The following CCDC33 variants were observed in gnomAD, a reference collection of about 807,000 sequenced individuals.
The protein encoded by CCDC33 is coiled-coil domain containing 33.
Under a neutral mutation model 91.9 loss-of-function variants are expected in CCDC33, and 94 were observed. That is an observed-to-expected ratio of 1.02 (90% CI 0.87 to 1.21). The LOEUF (loss-of-function observed/expected upper bound fraction) is 1.21, where lower values mean the gene tolerates loss of function less well. Ranked by LOEUF, CCDC33 falls within the 50% of genes most tolerant of loss-of-function variation. CCDC33 has a pLI of 0.00. For missense variants in CCDC33, 940 were observed against 935.5 expected, an observed-to-expected ratio of 1.00 and a Z score of -0.06; for synonymous variants, 396 against 374.5, an observed-to-expected ratio of 1.06 and a Z score of -0.66.
At chr15:74,333,323 G>T (rs1458129812) in intron 16 of CCDC33, 3 of 1,577,864 alleles carry the variant, frequency 1.9e-6, no homozygotes, top group Non-Finnish European at 2.6e-6. Context: ...GCCCGCACAG[G>T]TGGGTGGCCC....
At chr15:74,217,637 G>A (rs1595877329) in intron 1 of CCDC33, 17 of 1,164,316 alleles carry the variant, frequency 1.5e-5, no homozygotes, top group Non-Finnish European at 1.8e-5. Context: ...TCCTGCCTGA[G>A]TCCCTTTCTG....
intron 11 of CCDC33, chr15:74,302,523 G>C (rs2059815357): frequency 6.6e-6 from 1 of 152,324 alleles, no homozygotes; most frequent in Non-Finnish European, 1.5e-5. Flanking sequence ...GATGGGAGAG[G>C]TGAGGCCCCC....
chr15:74,257,673 GC>G (rs1398264044), intron 2 of CCDC33, among the ~76,000 whole-genome samples: 1 of 152,208 alleles, frequency 6.6e-6, no homozygotes, highest in Non-Finnish European at 1.5e-5. Context: ...CCCCCCTCAA[GC>G]CTCACCTTCT....
intron 11 of CCDC33, among the ~76,000 whole-genome samples, chr15:74,315,016 T>C (rs2060064149): frequency 2.0e-5 from 3 of 152,032 alleles, no homozygotes; most frequent in South Asian, 4.1e-4. Context: ...TCTGATGCGG[T>C]GGTTTTATTG....
Position 74,236,509 on chromosome 15 carries a change from GCCACCC to G in CCDC33, c.-210_-205del. The stretch of plus-strand genomic sequence containing the variant: ...GAGATCCAGGACCTGCTCCCACCTG[GCCACCC>G]TCCCCCTCCCCCCACATCCAGGCCC... On this transcript the variant is annotated 5_prime_UTR_variant, in exon 1 of 19. Coordinates refer to ENST00000398814, the MANE Select transcript of CCDC33 (RefSeq NM_025055.5). The G allele has an allele frequency of 2.6e-6, 1 of 382,792 alleles. No individual in the cohort carries two copies. Among genetic ancestry groups the G allele is most frequent in the African/African-American group, 2.1e-5 (1 of 48,236 alleles). 23.7% of individuals were successfully genotyped at this position (382,792 alleles called of 1,614,324 possible). A position where few individuals can be genotyped will look rare whatever the true frequency, so the allele number is the denominator to read the frequency against.
intron 11 of CCDC33, among the ~76,000 whole-genome samples, chr15:74,324,481 C>T (rs183184522): frequency 1.1e-3 from 168 of 152,102 alleles, no homozygotes; most frequent in African/African-American, 3.5e-3. Flanking sequence ...AAGACTCAAG[C>T]GGAAGGTGGT....
At chr15:74,287,079 G>T (rs766972805) in intron 10 of CCDC33, among the ~76,000 whole-genome samples, 6 of 152,206 alleles carry the variant, frequency 3.9e-5, no homozygotes, top group Non-Finnish European at 8.8e-5. Flanking sequence ...GGCTTTTGAA[G>T]AATTTTTATG....
intron 1 of CCDC33, among the ~76,000 whole-genome samples, chr15:74,241,854 AG>A (rs1373748590): frequency 1.3e-5 from 2 of 152,230 alleles, no homozygotes; most frequent in African/African-American, 4.8e-5. Flanking sequence ...GGGAAGAATC[AG>A]GAAGGACTCC....
intron 4 of CCDC33, 67 bp downstream of exon 4, chr15:74,266,854 T>G (rs1276354088): frequency 8.2e-7 from 1 of 1,218,242 alleles, no homozygotes; most frequent in African/African-American, 1.5e-5. Flanking sequence ...CCCCAGCTAT[T>G]CCCTCGGAGC....
chr15:74,294,055 G>A (rs932365755), intron 10 of CCDC33, among the ~76,000 whole-genome samples: 16 of 152,294 alleles, frequency 1.1e-4, no homozygotes, highest in Non-Finnish European at 1.8e-4. Flanking sequence ...AGTATGCATG[G>A]ACTTTCCTAT....
At chr15:74,225,315 A>G (rs2074757799) in intron 2 of CCDC33, among the ~76,000 whole-genome samples, 1 of 152,012 alleles carries the variant, frequency 6.6e-6, no homozygotes. Context: ...ACAGTGAAGG[A>G]AGCGGGCATA....
At chr15:74,232,309 C>T (rs548647354), upstream of CCDC33, among the ~76,000 whole-genome samples, 8 of 152,238 alleles carry the variant, frequency 5.3e-5, no homozygotes, top group Non-Finnish European at 1.2e-4. Context: ...AATAAAGGGA[C>T]TATTTACAAT....
chr15:74,216,050 G>T (rs903139227), upstream of CCDC33, among the ~76,000 whole-genome samples: 13 of 152,164 alleles, frequency 8.5e-5, no homozygotes, highest in African/African-American at 3.1e-4. Flanking sequence ...ACAAAGGTTG[G>T]CCCTAGGGCA....
At chr15:74,207,858 A>C in intron 1 of CCDC33, 2 of 1,526,270 alleles carry the variant, frequency 1.3e-6, no homozygotes, top group Non-Finnish European at 1.8e-6. Context: ...GCACCAGACC[A>C]AGTCTGACTC....
chr15:74,323,954 A>G (rs1451593283), intron 11 of CCDC33, among the ~76,000 whole-genome samples: 10 of 151,800 alleles, frequency 6.6e-5, no homozygotes, highest in African/African-American at 2.4e-4. Context: ...TTAGCCCGGC[A>G]TAGTGGCAGG....
At chr15:74,268,177 G>C (rs1317055925) in intron 4 of CCDC33, among the ~76,000 whole-genome samples, 165 bp from the exon 5 acceptor site, 1 of 152,212 alleles carries the variant, frequency 6.6e-6, no homozygotes, top group African/African-American at 2.4e-5. Context: ...TTATTATATT[G>C]ATCTCCTTGG....
At chr15:74,208,764 A>T in intron 1 of CCDC33, 1 of 988,256 alleles carries the variant, frequency 1.0e-6, no homozygotes, top group Non-Finnish European at 1.2e-6. Context: ...ACCTGTTCCA[A>T]TCCCACCTGG....
intron 16 of CCDC33, chr15:74,333,095 C>A: frequency 1.2e-6 from 1 of 839,068 alleles, no homozygotes; most frequent in Non-Finnish European, 1.9e-6. Context: ...GACCCTTGGT[C>A]CCTGAACCCT....
At chr15:74,325,117 C>T (rs1016194514) in intron 11 of CCDC33, among the ~76,000 whole-genome samples, 5 of 151,976 alleles carry the variant, frequency 3.3e-5, no homozygotes, top group African/African-American at 1.2e-4. Context: ...CTCCACCCAG[C>T]AAGGGTCCCT....
Sources: allele counts gnomAD v4.1 joint callset (sites outside exome capture counted in the v4.1 genomes callset), GRCh38; gene constraint gnomAD v4.1.1; transcripts MANE v1.5; gene names NCBI Gene and HGNC (gene_info 2026-07-23, HGNC 2026-07-21).